The following INTS7 variants were observed in gnomAD, a reference collection of about 807,000 sequenced individuals.
INTS7 encodes integrator complex subunit 7.
Under a neutral mutation model 109.2 loss-of-function variants are expected in INTS7, and 46 were observed. The ratio of observed to expected loss-of-function variants is 0.42; its 90% CI spans 0.33 to 0.54. INTS7 has a LOEUF of 0.54. INTS7 is among the 20% of genes least tolerant of loss of function. The probability of loss-of-function intolerance (pLI) is 0.07; values close to 1 mark genes in which losing one functional copy is unlikely to be tolerated. For synonymous variants in INTS7, 412 were observed against 402.9 expected (o/e 1.02, Z -0.27); for missense variants, 929 against 1,132.4 (o/e 0.82, Z 2.58).
chr1:211,999,474 G>A (rs1228263323), intron 7 of INTS7, among the ~76,000 whole-genome samples: 2 of 152,076 alleles, frequency 1.3e-5, no homozygotes, highest in Non-Finnish European at 2.9e-5. Flanking sequence ...ACTACAGAGG[G>A]GCCTGCAGAA....
chr1:211,985,159 T>C (rs1330568356), intron 8 of INTS7, among the ~76,000 whole-genome samples: 4 of 152,184 alleles, frequency 2.6e-5, no homozygotes, highest in Non-Finnish European at 4.4e-5. Context: ...TAATGACTGC[T>C]TACCCACACC....
chr1:212,035,305 C>G (rs753484596), intron 1 of INTS7, 39 bp downstream of exon 1: 7 of 1,376,148 alleles, frequency 5.1e-6, no homozygotes, highest in Non-Finnish European at 5.2e-6. Context: ...CACTTCCCCC[C>G]ACGCCTGTTT....
chr1:211,985,427 T>C (rs958965073), intron 8 of INTS7, among the ~76,000 whole-genome samples: 2 of 151,470 alleles, frequency 1.3e-5, no homozygotes, highest in Non-Finnish European at 3.0e-5. Flanking sequence ...AATGTAACTT[T>C]GGAAAATCCT....
At chr1:212,033,016 A>G (rs1248603551) in intron 1 of INTS7, among the ~76,000 whole-genome samples, 1 of 152,130 alleles carries the variant, frequency 6.6e-6, no homozygotes, top group Non-Finnish European at 1.5e-5. Flanking sequence ...CACGTTTGCT[A>G]TATTTGCGGA....
At position 211,959,486 on chromosome 1, in the gene INTS7, C is replaced by T. The variant is rs1663516174; in HGVS notation, c.2184-6785G>A. Reference sequence around the variant, plus strand: ...CCCAGCATGTGGACATGGGCCGGCTCACCTGCTCCCTCCCCGTACTGGCAG... The same window carrying T: ...CCCAGCATGTGGACATGGGCCGGCTTACCTGCTCCCTCCCCGTACTGGCAG... On this transcript the variant is annotated intron_variant, in intron 16 of 19. Coordinates refer to ENST00000366994, the MANE Select transcript of INTS7 (RefSeq NM_015434.4). The surrounding 1 kb of genome is among the most constrained non-coding windows in gnomAD (Gnocchi z 4.2). 6.6e-6 allele frequency among the ~76,000 whole-genome samples: 1 copy of T among 152,258 alleles called. No homozygotes were observed. The highest frequency in any genetic ancestry group is 1.5e-5 in the Non-Finnish European group (1 of 67,994).
chr1:212,035,427 T>A lies in INTS7; in HGVS notation c.11A>T (p.Asn4Ile), dbSNP rs1481995390. 1 of 1,613,142 alleles carries A rather than the reference T, an allele frequency of 6.2e-7. No homozygotes were observed. The highest frequency in any genetic ancestry group is 1.7e-5 in the Admixed American group (1 of 60,028). The change falls in exon 1 of 20, where the codon AAC (asparagine) becomes ATC (isoleucine). Residue 4 changes from asparagine to isoleucine, a missense_variant. Around this residue, in one of 2 missense-constraint regions of INTS7, gnomAD observed 142 missense variants for 231.4 expected, o/e 0.61. Coordinates refer to ENST00000366994, the MANE Select transcript of INTS7 (RefSeq NM_015434.4). MAS[N>I]STKSFLADAG... ...ATCTGCCAGGAAAGACTTAGTTGAG[T>A]TTGACGCCATGACCCGAATAGTTAC...
intron 13 of INTS7, among the ~76,000 whole-genome samples, chr1:211,973,224 G>T (rs140384968): frequency 0.026 from 3,934 of 152,268 alleles, 57 homozygotes; most frequent in African/African-American, 0.045. Flanking sequence ...GGGATTACAG[G>T]CATGAGCCCC....
intron 7 of INTS7, among the ~76,000 whole-genome samples, chr1:212,005,850 G>A (rs1665882644): frequency 6.6e-6 from 1 of 151,978 alleles, no homozygotes; most frequent in African/African-American, 2.4e-5. Context: ...CCCTTATCTT[G>A]GGATATCTGT....
At position 211,942,118 on chromosome 1, in the gene INTS7, T is replaced by C. The variant is rs370306706; in HGVS notation, c.2602-7A>G. On this transcript the variant is annotated splice_polypyrimidine_tract_variant and splice_region_variant and intron_variant, in intron 19 of 19. Transcript: ENST00000366994. This position sits in a 1 kb window ranked among gnomAD's most constrained non-coding sequence, Gnocchi z 4.2. Reference sequence around the variant, plus strand: ...TCATGTTGTCAATGGGTATCTGCAATGAAACAATTGTTAACTAACAACAAT... The same window carrying C: ...TCATGTTGTCAATGGGTATCTGCAACGAAACAATTGTTAACTAACAACAAT... The C allele has an allele frequency of 8.7e-6, 14 of 1,611,158 alleles. No homozygotes were observed. The highest frequency in any genetic ancestry group is 1.0e-5 in the Non-Finnish European group (12 of 1,178,022).
intron 19 of INTS7, among the ~76,000 whole-genome samples, chr1:211,943,130 T>C (rs1325432771): frequency 6.6e-6 from 1 of 152,080 alleles, no homozygotes; most frequent in Non-Finnish European, 1.5e-5. Context: ...CTAAAGAATA[T>C]GCCAACCAAA....
chr1:212,018,651 CTATA>C (rs1666552882), intron 3 of INTS7, among the ~76,000 whole-genome samples: 1 of 151,904 alleles, frequency 6.6e-6, no homozygotes, highest in Non-Finnish European at 1.5e-5. Context: ...TTTTCTGAGC[CTATA>C]TAAACATATA....
At chr1:211,991,743 G>T (rs531454825) in intron 7 of INTS7, among the ~76,000 whole-genome samples, 1 of 152,198 alleles carries the variant, frequency 6.6e-6, no homozygotes, top group Non-Finnish European at 1.5e-5. Flanking sequence ...CTGCAAACTG[G>T]CATTAAGAAA....
intron 7 of INTS7, among the ~76,000 whole-genome samples, chr1:212,002,894 AAAAC>A (rs1346348889): frequency 6.6e-6 from 1 of 152,236 alleles, no homozygotes; most frequent in Non-Finnish European, 1.5e-5. Context: ...TTCAAAGTGA[AAAAC>A]AATCAGGTAT....
chr1:212,016,914 C>G lies in INTS7; in HGVS notation c.481G>C (p.Ala161Pro). ...GACTGTGCAGAGAAGTTTGCAGCAG[C>G]AAAAACAGCAGCTTCAACTTCTACA... ...DNVEVEAAVF[A>P]AANFSAQSKD... Residue 161 changes from alanine to proline, a missense_variant, in exon 4 of 20, where the codon GCT becomes CCT. Coordinates refer to ENST00000366994, the MANE Select transcript of INTS7 (RefSeq NM_015434.4). 1 of 1,607,780 alleles carries G rather than the reference C, an allele frequency of 6.2e-7. No homozygotes were observed. The highest frequency in any genetic ancestry group is 8.5e-7 in the Non-Finnish European group (1 of 1,177,792).
At chr1:211,971,403 A>T (rs1327216953) in intron 13 of INTS7, among the ~76,000 whole-genome samples, 1 of 152,236 alleles carries the variant, frequency 6.6e-6, no homozygotes, top group Non-Finnish European at 1.5e-5. Flanking sequence ...TATCAACACT[A>T]TAGAGTGGGA....
At chr1:211,974,177 A>G (rs1664296975) in intron 13 of INTS7, among the ~76,000 whole-genome samples, 1 of 151,050 alleles carries the variant, frequency 6.6e-6, no homozygotes, top group African/African-American at 2.4e-5. Flanking sequence ...TAGAAAATGA[A>G]ATAGTTCTAT....
Position 211,975,367 on chromosome 1 carries a change from A to G in INTS7, c.1614T>C (p.Asn538=), listed in dbSNP as rs1664372206. The change falls in exon 13 of 20, where the codon AAT becomes AAC. Residue 538 remains asparagine, a synonymous_variant. Coordinates refer to ENST00000366994, the MANE Select transcript of INTS7 (RefSeq NM_015434.4). ...GATAAAGCTCTTTGGCCATGTCATG[A>G]TTACCCTAAAAACAAAAAAAGAAAA... is the stretch of plus-strand genomic sequence containing the variant. ...RIARQASRMG[N]HDMAKELYQS... The G allele has an allele frequency of 6.2e-7, 1 of 1,613,004 alleles. No individual in the cohort carries two copies. Among genetic ancestry groups the G allele is most frequent in the East Asian group, 2.2e-5 (1 of 44,858 alleles).
At chr1:211,992,711 A>G (rs1272825358) in intron 7 of INTS7, among the ~76,000 whole-genome samples, 1 of 152,162 alleles carries the variant, frequency 6.6e-6, no homozygotes, top group Non-Finnish European at 1.5e-5. Context: ...ATTAAAAAAC[A>G]CTGATTTAAA....
chr1:211,970,108 A>G (rs1664105008), intron 13 of INTS7, among the ~76,000 whole-genome samples: 2 of 152,164 alleles, frequency 1.3e-5, no homozygotes, highest in Admixed American at 6.5e-5. Context: ...AATTTTAAAA[A>G]TAATTCCTGA....
Sources: gnomAD v4.1 joint callset for allele counts (sites outside exome capture counted in the v4.1 genomes callset) on GRCh38, gnomAD v4.1.1 for gene constraint, gnomAD v4.1.1 regional missense constraint, Gnocchi (gnomAD v3.1) non-coding constraint, MANE v1.5 for transcripts, NCBI Gene and HGNC (gene_info 2026-07-23, HGNC 2026-07-21) for gene names.